Variants in HMGXB4 observed in about 807,000 individuals in gnomAD.
HMGXB4 encodes HMG domain-containing protein 4.
Under a neutral mutation model 63.9 loss-of-function variants are expected in HMGXB4, and 27 were observed. The ratio of observed to expected loss-of-function variants is 0.42; its 90% confidence interval spans 0.31 to 0.58. HMGXB4 has a LOEUF of 0.58. Ranked by LOEUF, HMGXB4 falls within the 20% of genes least tolerant of loss-of-function variation. The pLI, the probability that HMGXB4 is intolerant of heterozygous loss-of-function variation, is 0.13. For missense variants in HMGXB4, 624 were observed against 700.7 expected, an observed-to-expected ratio of 0.89 and a Z score of 1.24; for synonymous variants, 264 against 265.3, an observed-to-expected ratio of 0.99 and a Z score of 0.05.
chr22:35,245,585 T>C, the HMGXB4 span, among the ~76,000 whole-genome samples: 2 of 152,160 alleles, frequency 1.3e-5, no homozygotes, highest in Non-Finnish European at 2.9e-5. Context: ...ATCTTCCTGG[T>C]TCTTGGTAGG....
intron 6 of HMGXB4, among the ~76,000 whole-genome samples, chr22:35,284,254 G>A (rs1924436417): frequency 6.6e-6 from 1 of 152,236 alleles, no homozygotes. Context: ...GGGAAACTAT[G>A]TAAAAATAAA....
At chr22:35,260,053 C>A (rs1486219131) in intron 1 of HMGXB4, among the ~76,000 whole-genome samples, 2 of 152,140 alleles carry the variant, frequency 1.3e-5, no homozygotes, top group African/African-American at 2.4e-5. Flanking sequence ...GTACTTATTT[C>A]TATTCTGTTA....
chr22:35,252,043 C>T, the HMGXB4 span, among the ~76,000 whole-genome samples: 4 of 151,966 alleles, frequency 2.6e-5, no homozygotes, highest in South Asian at 6.3e-4. Flanking sequence ...GGTGAAACCC[C>T]GACTCTATTA....
At chr22:35,287,948 C>CA (rs879944527) in intron 8 of HMGXB4, among the ~76,000 whole-genome samples, 25 of 139,626 alleles carry the variant, frequency 1.8e-4, no homozygotes, top group South Asian at 2.3e-4. Context: ...AACTCCATCT[C>CA]AAAAAAAAAA....
At chr22:35,262,779 T>G in intron 2 of HMGXB4, 1 of 509,912 alleles carries the variant, frequency 2.0e-6, no homozygotes, top group South Asian at 2.5e-5. Context: ...TTTTCAGCCT[T>G]TCGTCTGCAA....
At chr22:35,276,635 A>G (rs886897460) in intron 5 of HMGXB4, among the ~76,000 whole-genome samples, 1 of 152,114 alleles carries the variant, frequency 6.6e-6, no homozygotes, top group African/African-American at 2.4e-5. Context: ...TCTCCATTGT[A>G]TCTTAGGCCC....
Position 35,283,341 on chromosome 22 carries a change from A to ATACC in HMGXB4, c.1216-621_1216-620insTACC, listed in dbSNP as rs879385333. On this transcript the variant is annotated intron_variant, in intron 5 of 10. Coordinates refer to ENST00000216106, the MANE Select transcript of HMGXB4 (RefSeq NM_001003681.3). ...AAAAATAGACACCCCAGGAGTGGTA[A>ATACC]AGATTCTCTTAGCACTTAATTCTGA... Among the ~76,000 whole-genome samples, 3 of 152,350 alleles carry ATACC rather than the reference A, an allele frequency of 2.0e-5. No individual in the cohort carries two copies. The East Asian group carries it at 5.8e-4, about 29-fold the overall frequency.
chr22:35,283,950 A>T lies in HMGXB4; in HGVS notation c.1216-12A>T. ...CAAGTCTTACCCTGTTGTATCTTCTATGCGGCATTAGCCAAAAAAGAAGAA... is the reference window on the plus strand; with the variant it reads ...CAAGTCTTACCCTGTTGTATCTTCTTTGCGGCATTAGCCAAAAAAGAAGAA... On this transcript the variant is annotated splice_polypyrimidine_tract_variant and intron_variant, in intron 5 of 10. Coordinates refer to ENST00000216106, the MANE Select transcript of HMGXB4 (RefSeq NM_001003681.3). 1 of 1,604,042 alleles carries T rather than the reference A, an allele frequency of 6.2e-7. No individual in the cohort carries two copies. Among genetic ancestry groups the T allele is most frequent in the Non-Finnish European group, 8.5e-7 (1 of 1,170,592 alleles).
At chr22:35,290,518 G>A (rs1025021753) in intron 9 of HMGXB4, among the ~76,000 whole-genome samples, 16 of 151,378 alleles carry the variant, frequency 1.1e-4, no homozygotes, top group South Asian at 2.1e-4. Context: ...GGTGGCGGGC[G>A]CCTGTGAGAG....
At chr22:35,255,626 G>T (rs898692188), upstream of HMGXB4, among the ~76,000 whole-genome samples, 7 of 152,340 alleles carry the variant, frequency 4.6e-5, no homozygotes, top group Non-Finnish European at 8.8e-5. Context: ...TAACAGAGGA[G>T]AGCACCACAG....
chr22:35,256,500 T>A (rs889656587), upstream of HMGXB4, among the ~76,000 whole-genome samples: 1 of 151,800 alleles, frequency 6.6e-6, no homozygotes, highest in Non-Finnish European at 1.5e-5. Context: ...TTATTCTTCA[T>A]ATATATATAT....
At chr22:35,289,455 A>G (rs75850814) in intron 9 of HMGXB4, among the ~76,000 whole-genome samples, 2,851 of 152,254 alleles carry the variant, frequency 0.019, 86 homozygotes, top group African/African-American at 0.064. Context: ...GCAAGACCCT[A>G]TCTTTTTTAA....
chr22:35,252,358 GAC>G, the HMGXB4 span, among the ~76,000 whole-genome samples: 2 of 152,158 alleles, frequency 1.3e-5, no homozygotes, highest in African/African-American at 4.8e-5. Flanking sequence ...ACACCCACTG[GAC>G]AACAACTTTC....
intron 5 of HMGXB4, among the ~76,000 whole-genome samples, chr22:35,273,162 C>G (rs926684982): frequency 2.6e-5 from 4 of 152,152 alleles, no homozygotes; most frequent in Non-Finnish European, 5.9e-5. Flanking sequence ...GGCTAAGTAA[C>G]AGCAACAATA....
At chr22:35,263,496 A>G (rs1421397850) in intron 3 of HMGXB4, among the ~76,000 whole-genome samples, 1 of 152,036 alleles carries the variant, frequency 6.6e-6, no homozygotes, top group African/African-American at 2.4e-5. Context: ...TTGGCCAGGC[A>G]GGTCTCAAAC....
chr22:35,287,562 G>A, intron 8 of HMGXB4, 110 bp downstream of exon 8: 1 of 701,818 alleles, frequency 1.4e-6, no homozygotes, highest in Non-Finnish European at 2.5e-6. Context: ...TTGATTCCCA[G>A]GTATTATTAC....
chr22:35,266,991 G>GA (rs1488034713), intron 5 of HMGXB4, among the ~76,000 whole-genome samples: 2 of 151,616 alleles, frequency 1.3e-5, no homozygotes, highest in Non-Finnish European at 2.9e-5. Flanking sequence ...TGTCTCAAAA[G>GA]AAAAAAGAAA....
chr22:35,279,367 G>A lies in HMGXB4; in HGVS notation c.1216-4595G>A, dbSNP rs192556570. 4.6e-5 allele frequency among the ~76,000 whole-genome samples: 7 copies of A among 152,020 alleles called. No individual in the cohort carries two copies. In the East Asian group the frequency reaches 1.4e-3, roughly 29 times the overall value. On this transcript the variant is annotated intron_variant, in intron 5 of 10. Coordinates refer to ENST00000216106, the MANE Select transcript of HMGXB4 (RefSeq NM_001003681.3). ...TTCTCCATGTTGGTCTCGAACTCCC[G>A]ACCTCAGATGATCCGCCCACCTCGG...
upstream of HMGXB4, among the ~76,000 whole-genome samples, chr22:35,253,600 T>TGCGC (rs55731093): frequency 7.6e-4 from 115 of 151,148 alleles, 1 homozygote; most frequent in South Asian, 2.7e-3. Context: ...TTGGATTTTG[T>TGCGC]GCGCGCGCGC....
Sources: gnomAD v4.1 joint callset for allele counts (sites outside exome capture counted in the v4.1 genomes callset) on GRCh38, gnomAD v4.1.1 for gene constraint, MANE v1.5 for transcripts, NCBI Gene and HGNC (gene_info 2026-07-23, HGNC 2026-07-21) for gene names.